Variants in ICOS observed in about 807,000 individuals in gnomAD.
ICOS encodes inducible T-cell costimulator.
In ICOS, 15 loss-of-function variants were observed where a neutral mutation model predicts 24.6. That is an observed-to-expected ratio of 0.61 (90% CI 0.41 to 0.94). The LOEUF is 0.94. Among genes scored for constraint, ICOS ranks in the 40% least tolerant of loss-of-function variants. The probability of loss-of-function intolerance (pLI) is 0.00; values close to 1 mark genes in which losing one functional copy is unlikely to be tolerated. For synonymous variants in ICOS, 89 were observed against 77.5 expected, an observed-to-expected ratio of 1.15 and a Z score of -0.78; for missense variants, 200 against 233.0, an observed-to-expected ratio of 0.86 and a Z score of 0.92.
At chr2:203,947,019 A>G (rs972201203) in intron 1 of ICOS, among the ~76,000 whole-genome samples, 3 of 152,224 alleles carry the variant, frequency 2.0e-5, no homozygotes, top group African/African-American at 4.8e-5. Flanking sequence ...AACTGCTTGC[A>G]AAGAGTCCCA....
At chr2:203,939,669 T>G (rs1689728740) in intron 1 of ICOS, among the ~76,000 whole-genome samples, 1 of 152,200 alleles carries the variant, frequency 6.6e-6, no homozygotes, top group African/African-American at 2.4e-5. Context: ...TGAGCCTTCC[T>G]TTGTCACTGA....
At chr2:203,958,538 T>C (rs1372440081) in intron 4 of ICOS, among the ~76,000 whole-genome samples, 2 of 152,300 alleles carry the variant, frequency 1.3e-5, no homozygotes, top group South Asian at 2.1e-4. Flanking sequence ...GGAAAATTCA[T>C]GTCTTATGCC....
intron 1 of ICOS, among the ~76,000 whole-genome samples, chr2:203,946,355 T>C (rs932156268): frequency 6.6e-6 from 1 of 151,998 alleles, no homozygotes; most frequent in African/African-American, 2.4e-5. Flanking sequence ...GCACACATTG[T>C]GTGTGTGTTC....
chr2:203,947,378 G>A (rs1380046082), intron 1 of ICOS, among the ~76,000 whole-genome samples: 1 of 151,884 alleles, frequency 6.6e-6, no homozygotes, highest in Non-Finnish European at 1.5e-5. Flanking sequence ...GTGCAATCTC[G>A]GCTCACTGCA....
At chr2:203,954,529 C>A (rs1690044009) in intron 1 of ICOS, among the ~76,000 whole-genome samples, 1 of 152,034 alleles carries the variant, frequency 6.6e-6, no homozygotes, top group African/African-American at 2.4e-5. Flanking sequence ...GTGGAGGCTA[C>A]AACGAGCTAG....
chr2:203,948,745 G>A lies in ICOS; in HGVS notation c.59-6891G>A, dbSNP rs193082504. Reference sequence around the variant, plus strand: ...GACCTGGATATATTCTTTAGATTGGGTGGCCAGTGGTCACTGAAGAAGTGT... The same window carrying A: ...GACCTGGATATATTCTTTAGATTGGATGGCCAGTGGTCACTGAAGAAGTGT... On this transcript the variant is annotated intron_variant, in intron 1 of 4. Coordinates refer to ENST00000316386, the MANE Select transcript of ICOS (RefSeq NM_012092.4). 3.9e-3 allele frequency among the ~76,000 whole-genome samples: 596 copies of A among 152,306 alleles called. 12 individuals carry two copies. Among genetic ancestry groups the A allele is most frequent in the Admixed American group, 0.029 (438 of 15,300 alleles).
chr2:203,956,910 A>C (rs1690087311), intron 3 of ICOS, 145 bp downstream of exon 3: 1 of 660,458 alleles, frequency 1.5e-6, no homozygotes, highest in South Asian at 1.7e-5. Context: ...CCTACTAATT[A>C]AACTAATCAC....
At chr2:203,940,645 TCTAA>T (rs971722525) in intron 1 of ICOS, among the ~76,000 whole-genome samples, 12 of 139,366 alleles carry the variant, frequency 8.6e-5, no homozygotes, top group East Asian at 2.1e-4. Flanking sequence ...TTGATGGTAG[TCTAA>T]CTCTCATTCC....
At chr2:203,948,695 T>C (rs559421912) in intron 1 of ICOS, among the ~76,000 whole-genome samples, 1 of 152,352 alleles carries the variant, frequency 6.6e-6, no homozygotes, top group Non-Finnish European at 1.5e-5. Context: ...ATAAATGCTT[T>C]ATGTCAGTTA....
intron 1 of ICOS, among the ~76,000 whole-genome samples, chr2:203,947,354 G>T (rs1213690031): frequency 1.3e-5 from 2 of 151,986 alleles, no homozygotes; most frequent in African/African-American, 4.8e-5. Context: ...CTGTTGCCAG[G>T]CTGGAGTGCA....
intron 1 of ICOS, among the ~76,000 whole-genome samples, chr2:203,939,366 A>G (rs371643186): frequency 6.6e-6 from 1 of 152,074 alleles, no homozygotes; most frequent in African/African-American, 2.4e-5. Flanking sequence ...GAATTTAACA[A>G]AGTCTTGTTT....
chr2:203,945,388 AG>A (rs1260542951), intron 1 of ICOS, among the ~76,000 whole-genome samples: 1 of 152,244 alleles, frequency 6.6e-6, no homozygotes, highest in African/African-American at 2.4e-5. Context: ...TGAGGTTCCT[AG>A]GGTCAGACTA....
At chr2:203,947,458 A>G (rs924510482) in intron 1 of ICOS, among the ~76,000 whole-genome samples, 14 of 152,054 alleles carry the variant, frequency 9.2e-5, no homozygotes, top group African/African-American at 3.4e-4. Flanking sequence ...ACAGGCACAC[A>G]CCACCACGCC....
chr2:203,957,674 A>G, intron 3 of ICOS, 125 bp from the exon 4 acceptor site: 2 of 749,788 alleles, frequency 2.7e-6, no homozygotes, highest in Middle Eastern at 2.4e-4. Flanking sequence ...GCCTAAAGCC[A>G]GGAACCTAAG....
At chr2:203,952,689 C>T (rs555045352) in intron 1 of ICOS, among the ~76,000 whole-genome samples, 4 of 151,902 alleles carry the variant, frequency 2.6e-5, no homozygotes, top group East Asian at 1.9e-4. Context: ...TTTTTTTGGC[C>T]GATTCTTGTA....
At chr2:203,950,524 G>C (rs1689950194) in intron 1 of ICOS, among the ~76,000 whole-genome samples, 1 of 152,132 alleles carries the variant, frequency 6.6e-6, no homozygotes, top group Non-Finnish European at 1.5e-5. Context: ...GTCAGAGGGG[G>C]ACAAACATTC....
chr2:203,952,559 C>A (rs1690003928), intron 1 of ICOS, among the ~76,000 whole-genome samples: 1 of 152,106 alleles, frequency 6.6e-6, no homozygotes, highest in Admixed American at 6.6e-5. Context: ...ATTCTTGAAT[C>A]TGTGGAGTGT....
In ICOS at chr2:203,957,882, A is replaced by C; in HGVS notation, c.585A>C (p.Thr195=). The change falls in exon 4 of 5, where the codon ACA becomes ACC. Residue 195 remains threonine, a splice_region_variant and synonymous_variant. Coordinates refer to ENST00000316386, the MANE Select transcript of ICOS (RefSeq NM_012092.4). ...AVNTAKKSRL[T]DVTL is the part of the protein sequence containing the mutation. ...ACACAGCCAAAAAATCTAGACTCAC[A>C]GGTATGACTCCATTTGGGGGTTTGG... is the stretch of plus-strand genomic sequence containing the variant. 4 of 1,588,748 alleles carry C rather than the reference A, an allele frequency of 2.5e-6. No homozygotes were observed. Among genetic ancestry groups the C allele is most frequent in the Non-Finnish European group, 3.5e-6 (4 of 1,157,132 alleles).
intron 4 of ICOS, 118 bp downstream of exon 4, chr2:203,958,001 A>G (rs1690108529): frequency 1.5e-6 from 1 of 654,976 alleles, no homozygotes. Flanking sequence ...GCCTAATTCT[A>G]GAATTTTCTG....
Sources: allele counts gnomAD v4.1 joint callset (sites outside exome capture counted in the v4.1 genomes callset), GRCh38; gene constraint gnomAD v4.1.1; transcripts MANE v1.5; gene names NCBI Gene and HGNC (gene_info 2026-07-23, HGNC 2026-07-21).